The following AGMO variants were observed in gnomAD, a reference collection of about 807,000 sequenced individuals.
AGMO encodes glyceryl-ether monooxygenase.
In AGMO, 75 loss-of-function variants were observed where a neutral mutation model predicts 60.2. That is an observed-to-expected ratio of 1.25 (90% confidence interval 1.03 to 1.51). The LOEUF (loss-of-function observed/expected upper bound fraction) is 1.51, where lower values mean the gene tolerates loss of function less well. Among genes scored for constraint, AGMO ranks in the 40% most tolerant of loss-of-function variants. The probability of loss-of-function intolerance (pLI) is 0.00; values close to 1 mark genes in which losing one functional copy is unlikely to be tolerated. For missense variants in AGMO, 763 were observed against 525.5 expected (o/e 1.45, Z -4.42); for synonymous variants, 261 against 177.1 (o/e 1.47, Z -3.76).
intron 3 of AGMO, among the ~76,000 whole-genome samples, chr7:15,501,112 G>A (rs1011041382): frequency 1.3e-5 from 2 of 151,776 alleles, no homozygotes; most frequent in African/African-American, 4.8e-5. Context: ...TTGTTTGGTT[G>A]ATTTTTGAGT....
intron 12 of AGMO, among the ~76,000 whole-genome samples, chr7:15,289,068 T>C (rs542937785): frequency 1.3e-5 from 2 of 152,002 alleles, no homozygotes; most frequent in South Asian, 4.1e-4. Context: ...TTTCCTATTG[T>C]TTTCAAATCT....
chr7:15,493,975 T>A (rs1281968419), intron 3 of AGMO, among the ~76,000 whole-genome samples: 1 of 152,220 alleles, frequency 6.6e-6, no homozygotes, highest in Non-Finnish European at 1.5e-5. Context: ...CACCACCTCA[T>A]GAATTTTTCC....
chr7:15,317,767 C>G (rs1780970657), intron 12 of AGMO, among the ~76,000 whole-genome samples: 1 of 151,428 alleles, frequency 6.6e-6, no homozygotes, highest in Non-Finnish European at 1.5e-5. Flanking sequence ...CACAATAAGA[C>G]AATGGTGGTA....
the AGMO span, among the ~76,000 whole-genome samples, chr7:15,125,874 G>A: frequency 6.6e-6 from 1 of 152,116 alleles, no homozygotes; most frequent in Non-Finnish European, 1.5e-5. Flanking sequence ...ATTTTCTTAT[G>A]TAATAGAGAA....
Position 15,202,458 on chromosome 7 carries a change from C to CAAAAAAAAAAAAAAAAAAAAAAA in AGMO, c.1264-1122_1264-1100dup, listed in dbSNP as rs71004370. On this transcript the variant is annotated intron_variant, in intron 12 of 12. Transcript: ENST00000342526. ...CACCAACAACCAAAATACAAATGAG[C>CAAAAAAAAAAAAAAAAAAAAAAA]AAAAAAAAAAAAAAAAAAAAAAAAA... 1.3e-3 allele frequency among the ~76,000 whole-genome samples: 61 copies of CAAAAAAAAAAAAAAAAAAAAAAA among 45,360 alleles called. 3 individuals are homozygous for CAAAAAAAAAAAAAAAAAAAAAAA. Among genetic ancestry groups the CAAAAAAAAAAAAAAAAAAAAAAA allele is most frequent in the East Asian group, 2.2e-3 (2 of 914 alleles). The allele number at this position is 45,360 out of a possible 152,430, so 29.8% of individuals were successfully genotyped here.
chr7:15,477,611 A>G (rs1317146221), intron 3 of AGMO, among the ~76,000 whole-genome samples: 1 of 152,102 alleles, frequency 6.6e-6, no homozygotes, highest in African/African-American at 2.4e-5. Context: ...TATCTAAAAT[A>G]CCAATGTGCA....
At chr7:15,136,742 G>T in the AGMO span, among the ~76,000 whole-genome samples, 23 of 151,916 alleles carry the variant, frequency 1.5e-4, no homozygotes, top group East Asian at 3.9e-3. Flanking sequence ...ATTGTTGTGT[G>T]ATGTGTATGT....
At chr7:15,248,275 CATTAA>C (rs1377776149) in intron 12 of AGMO, among the ~76,000 whole-genome samples, 1 of 127,756 alleles carries the variant, frequency 7.8e-6, no homozygotes, top group Non-Finnish European at 1.6e-5. Flanking sequence ...TCTTTCTGAG[CATTAA>C]ATTAATGAAA....
intron 12 of AGMO, among the ~76,000 whole-genome samples, chr7:15,292,791 C>G (rs1282786678): frequency 8.8e-6 from 1 of 113,168 alleles, no homozygotes; most frequent in Non-Finnish European, 1.6e-5. Context: ...TAGTCTCACT[C>G]TTGTCTCCCA....
At chr7:15,469,470 G>C (rs1260655497) in intron 3 of AGMO, among the ~76,000 whole-genome samples, 1 of 152,126 alleles carries the variant, frequency 6.6e-6, no homozygotes, top group Non-Finnish European at 1.5e-5. Flanking sequence ...ATAACTAGGA[G>C]TCAGAGACAC....
chr7:15,452,843 A>C (rs1781891116), intron 3 of AGMO, among the ~76,000 whole-genome samples: 1 of 152,180 alleles, frequency 6.6e-6, no homozygotes, highest in Non-Finnish European at 1.5e-5. Flanking sequence ...GTCCATGATA[A>C]ATGGATAAAT....
At chr7:15,500,604 T>C (rs1783358051) in intron 3 of AGMO, among the ~76,000 whole-genome samples, 1 of 151,886 alleles carries the variant, frequency 6.6e-6, no homozygotes, top group Non-Finnish European at 1.5e-5. Context: ...GAAAAATATT[T>C]TTAAAATATT....
intron 12 of AGMO, among the ~76,000 whole-genome samples, chr7:15,315,561 C>T (rs1456880687): frequency 6.6e-6 from 1 of 151,982 alleles, no homozygotes; most frequent in Non-Finnish European, 1.5e-5. Flanking sequence ...TGGTCTCGAT[C>T]TCCTGACCTT....
chr7:15,137,165 A>C, the AGMO span, among the ~76,000 whole-genome samples: 1 of 152,308 alleles, frequency 6.6e-6, no homozygotes, highest in Non-Finnish European at 1.5e-5. Context: ...ACAGCCTTCA[A>C]GTATTCATGG....
At chr7:15,264,034 C>T (rs1158969134) in intron 12 of AGMO, among the ~76,000 whole-genome samples, 1 of 151,838 alleles carries the variant, frequency 6.6e-6, no homozygotes, top group East Asian at 1.9e-4. Flanking sequence ...TGTAACCAAA[C>T]ACCTCCTGTT....
intron 12 of AGMO, among the ~76,000 whole-genome samples, chr7:15,243,443 A>G (rs1782650594): frequency 6.6e-6 from 1 of 151,902 alleles, no homozygotes; most frequent in African/African-American, 2.4e-5. Context: ...AGATCCATCT[A>G]TTTTATTCTC....
the AGMO span, among the ~76,000 whole-genome samples, chr7:15,155,787 G>T: frequency 6.6e-6 from 1 of 152,054 alleles, no homozygotes; most frequent in Admixed American, 6.5e-5. Flanking sequence ...TTTTGAAGTG[G>T]CTGTCTTTTG....
At chr7:15,320,712 A>G (rs1201433957) in intron 12 of AGMO, among the ~76,000 whole-genome samples, 2 of 152,282 alleles carry the variant, frequency 1.3e-5, no homozygotes, top group Admixed American at 1.3e-4. Context: ...GAGACGATAT[A>G]TATCACATAA....
chr7:15,169,349 C>A, the AGMO span, among the ~76,000 whole-genome samples: 1 of 152,290 alleles, frequency 6.6e-6, no homozygotes, highest in East Asian at 1.9e-4. Context: ...TTGCTGATTA[C>A]ACCATTAGTT....
Sources: gnomAD v4.1 joint callset for allele counts (sites outside exome capture counted in the v4.1 genomes callset) on GRCh38, gnomAD v4.1.1 for gene constraint, MANE v1.5 for transcripts, NCBI Gene and HGNC (gene_info 2026-07-23, HGNC 2026-07-21) for gene names.